Variants in TRPS1 observed in about 807,000 individuals in gnomAD.
TRPS1 encodes the protein zinc finger transcription factor Trps1.
A neutral mutation model predicts 101.2 loss-of-function variants in TRPS1; 6 were observed. That is an observed-to-expected ratio of 0.06 (90% CI 0.03 to 0.12). The LOEUF (loss-of-function observed/expected upper bound fraction) is 0.12. TRPS1 is among the 10% of genes least tolerant of loss of function. TRPS1 has a pLI of 1.00. For synonymous variants in TRPS1, 578 were observed against 589.8 expected, an observed-to-expected ratio of 0.98 and a Z score of 0.29; for missense variants, 1,363 against 1,567.0, an observed-to-expected ratio of 0.87 and a Z score of 2.20.
At chr8:115,577,219 TAA>T (rs1405834202) in intron 5 of TRPS1, among the ~76,000 whole-genome samples, 3 of 152,132 alleles carry the variant, frequency 2.0e-5, no homozygotes, top group African/African-American at 7.2e-5. Context: ...AAATAGCAAA[TAA>T]TTATTTTTAA....
intron 5 of TRPS1, among the ~76,000 whole-genome samples, chr8:115,447,619 G>GA (rs1426276741): frequency 1.1e-4 from 17 of 151,966 alleles, no homozygotes; most frequent in African/African-American, 3.9e-4. Flanking sequence ...CTTTTTGGAG[G>GA]AAAAAACTTC....
At chr8:115,601,474 T>C (rs1200619989) in intron 4 of TRPS1, among the ~76,000 whole-genome samples, 1 of 152,150 alleles carries the variant, frequency 6.6e-6, no homozygotes, top group East Asian at 1.9e-4. Context: ...AGCTGTGACT[T>C]CTGAAATTGT....
intron 5 of TRPS1, among the ~76,000 whole-genome samples, chr8:115,541,592 T>A (rs1215007432): frequency 6.6e-6 from 1 of 152,178 alleles, no homozygotes; most frequent in African/African-American, 2.4e-5. Context: ...TTGAAATCAA[T>A]TGTTTTTCAG....
At chr8:115,480,183 T>C (rs1243934324) in intron 5 of TRPS1, among the ~76,000 whole-genome samples, 1 of 152,154 alleles carries the variant, frequency 6.6e-6, no homozygotes, top group Non-Finnish European at 1.5e-5. Context: ...TTTAGAAGTT[T>C]GTGTTCTCAG....
intron 5 of TRPS1, among the ~76,000 whole-genome samples, chr8:115,579,515 A>G (rs1428533503): frequency 6.6e-6 from 1 of 152,130 alleles, no homozygotes; most frequent in Non-Finnish European, 1.5e-5. Context: ...GGATCTTATC[A>G]CTTCCTTCAC....
rs1446720896 is a variant in TRPS1, at chr8:115,558,591, T to C, written c.2700+28410A>G. 1.4e-4 allele frequency among the ~76,000 whole-genome samples: 22 copies of C among 152,338 alleles called. No homozygotes were observed. The South Asian group carries it at 4.6e-3, about 32-fold the overall frequency. On this transcript the variant is annotated intron_variant, in intron 5 of 6. Transcript: ENST00000395715. Reference sequence around the variant, plus strand: ...TGAAAAACACTTACTCCTGGAAGCATAAAATTCACTTTGTGGATTTATATC... The same window carrying C: ...TGAAAAACACTTACTCCTGGAAGCACAAAATTCACTTTGTGGATTTATATC...
chr8:115,491,063 T>A (rs994738537), intron 5 of TRPS1, among the ~76,000 whole-genome samples: 3 of 152,204 alleles, frequency 2.0e-5, no homozygotes, highest in Admixed American at 6.5e-5. Flanking sequence ...CAGTTTATGG[T>A]AACAATTCTC....
chr8:115,437,131 C>A (rs183784257), intron 5 of TRPS1, among the ~76,000 whole-genome samples: 1 of 152,162 alleles, frequency 6.6e-6, no homozygotes. Flanking sequence ...ATTATCTACA[C>A]TTCTCATGTA....
intron 5 of TRPS1, among the ~76,000 whole-genome samples, chr8:115,495,031 T>G (rs1404628346): frequency 6.6e-6 from 1 of 152,154 alleles, no homozygotes; most frequent in Non-Finnish European, 1.5e-5. Context: ...ATGGGATGAC[T>G]TAAACTTTGA....
chr8:115,588,720 T>C (rs1450173053), intron 4 of TRPS1, among the ~76,000 whole-genome samples: 1 of 152,244 alleles, frequency 6.6e-6, no homozygotes, highest in African/African-American at 2.4e-5. Flanking sequence ...TTCCCTGATA[T>C]AACTTGCTAT....
chr8:115,420,561 A>G (rs1308757196), intron 5 of TRPS1, among the ~76,000 whole-genome samples: 1 of 152,194 alleles, frequency 6.6e-6, no homozygotes, highest in Non-Finnish European at 1.5e-5. Context: ...TTCTTTCCTT[A>G]TGCCCTGGGT....
intron 5 of TRPS1, among the ~76,000 whole-genome samples, chr8:115,556,623 C>T (rs868777948): frequency 2.5e-4 from 38 of 152,248 alleles, no homozygotes; most frequent in African/African-American, 8.7e-4. Flanking sequence ...AAACAGACTG[C>T]ATGTTTCTTA....
intron 4 of TRPS1, among the ~76,000 whole-genome samples, chr8:115,592,583 T>A (rs1224177082): frequency 6.6e-6 from 1 of 152,104 alleles, no homozygotes; most frequent in Non-Finnish European, 1.5e-5. Flanking sequence ...ACAACTCCTT[T>A]CTCCTTATAT....
chr8:115,483,136 C>T (rs1814796187), intron 5 of TRPS1, among the ~76,000 whole-genome samples: 1 of 152,194 alleles, frequency 6.6e-6, no homozygotes, highest in Non-Finnish European at 1.5e-5. Context: ...CACTCAGTCA[C>T]TTTCTGCTGA....
At chr8:115,508,627 A>T (rs1815504730) in intron 5 of TRPS1, among the ~76,000 whole-genome samples, 2 of 151,962 alleles carry the variant, frequency 1.3e-5, no homozygotes, top group African/African-American at 4.8e-5. Flanking sequence ...GTTCTGCTTG[A>T]GGATAATCCA....
At chr8:115,644,926 G>A (rs1356884303) in intron 1 of TRPS1, among the ~76,000 whole-genome samples, 2 of 152,116 alleles carry the variant, frequency 1.3e-5, no homozygotes, top group African/African-American at 2.4e-5. Flanking sequence ...TATCAATTAA[G>A]TTTGCCATCT....
chr8:115,625,432 G>C (rs1332978855), intron 1 of TRPS1, among the ~76,000 whole-genome samples: 1 of 151,744 alleles, frequency 6.6e-6, no homozygotes, highest in Non-Finnish European at 1.5e-5. Context: ...CCTTTAAAAA[G>C]TTTGCCCAAT....
At chr8:115,422,075 A>C (rs1255454813) in intron 5 of TRPS1, among the ~76,000 whole-genome samples, 1 of 152,218 alleles carries the variant, frequency 6.6e-6, no homozygotes, top group Admixed American at 6.5e-5. Context: ...TAAGCCTATT[A>C]AGGACAGAAA....
intron 5 of TRPS1, among the ~76,000 whole-genome samples, chr8:115,546,363 T>C (rs964958522): frequency 2.0e-5 from 3 of 152,092 alleles, no homozygotes; most frequent in Non-Finnish European, 4.4e-5. Context: ...GGTGACTTTC[T>C]CTAACAATCA....
Sources: gnomAD v4.1 joint callset for allele counts (sites outside exome capture counted in the v4.1 genomes callset) on GRCh38, gnomAD v4.1.1 for gene constraint, MANE v1.5 for transcripts, NCBI Gene and HGNC (gene_info 2026-07-23, HGNC 2026-07-21) for gene names.